Variants in FBH1 observed in about 807,000 individuals in gnomAD.
FBH1 encodes F-box DNA helicase 1.
In FBH1, 43 loss-of-function variants were observed where a neutral mutation model predicts 115.5. That is an observed-to-expected ratio of 0.37 (90% CI 0.29 to 0.48). The LOEUF (loss-of-function observed/expected upper bound fraction) is 0.48, where lower values mean the gene tolerates loss of function less well. Among genes scored for constraint, FBH1 ranks in the 20% least tolerant of loss-of-function variants. The pLI is 0.99. For missense variants in FBH1, 1,001 were observed against 1,337.3 expected (o/e 0.75, Z 3.92); for synonymous variants, 524 against 507.8 (o/e 1.03, Z -0.43).
chr10:5,906,402 G>C lies in FBH1; in HGVS notation c.523G>C (p.Ala175Pro). ...EAEDSTSRLS[A>P]ESGETDQDAG... ...AGAGGACAGTACGTCTCGGCTCTCT[G>C]CGGAGTCTGGTGAAACCGACCAAGA... Residue 175 changes from alanine (A) to proline (P), a missense_variant, in exon 3 of 21, where the codon GCG (alanine) becomes CCG (proline). Ala to Pro is a conservative substitution (Grantham distance 27). Transcript: ENST00000362091. The surrounding 1 kb of genome is among the most constrained non-coding windows in gnomAD (Gnocchi z 7.3). 1.2e-6 allele frequency: 2 copies of C among 1,614,144 alleles called. No individual in the cohort carries two copies. Among genetic ancestry groups the C allele is most frequent in the Non-Finnish European group, 8.5e-7 (1 of 1,179,952 alleles).
At chr10:5,901,122 A>G (rs1843321402) in intron 1 of FBH1, among the ~76,000 whole-genome samples, 1 of 151,388 alleles carries the variant, frequency 6.6e-6, no homozygotes, top group Non-Finnish European at 1.5e-5. Context: ...AAAAAAAAAG[A>G]AATGTTGAGT....
intron 1 of FBH1, among the ~76,000 whole-genome samples, chr10:5,901,518 C>T (rs1843345377): frequency 6.7e-6 from 1 of 150,076 alleles, no homozygotes; most frequent in Non-Finnish European, 1.5e-5. Flanking sequence ...ATTTTATTCT[C>T]TTTTGACCAT....
chr10:5,890,498 TG>T (rs1842640823), intron 1 of FBH1, 152 bp downstream of exon 1: 2 of 277,388 alleles, frequency 7.2e-6, no homozygotes, highest in Non-Finnish European at 7.1e-6. Context: ...AGCGCGGGCG[TG>T]GGGGCTCGGC....
chr10:5,908,221 T>A (rs1843843951), intron 3 of FBH1, among the ~76,000 whole-genome samples: 1 of 152,240 alleles, frequency 6.6e-6, no homozygotes, highest in Non-Finnish European at 1.5e-5. Flanking sequence ...TTTATAGTTA[T>A]TATATCTTCT....
In FBH1 at chr10:5,935,594, C is replaced by G. The variant is rs1206557145; in HGVS notation, c.2830-862C>G. ...AGCTGTTAGTACTTGTTGGCCATAA[C>G]TGGAGTGTTTGCCTGGTGGTTTTCT... On this transcript the variant is annotated intron_variant, in intron 19 of 20. Transcript: ENST00000362091. The surrounding 1 kb of genome is among the most constrained non-coding windows in gnomAD (Gnocchi z 5.2). 6.6e-6 allele frequency: 1 copy of G among 152,232 alleles called. No individual in the cohort carries two copies. The highest frequency in any genetic ancestry group is 1.9e-4 in the East Asian group (1 of 5,192). The allele number at this position is 152,232 out of a possible 1,614,324, so 9.4% of individuals were successfully genotyped here. A position where few individuals can be genotyped will look rare whatever the true frequency, so the allele number is the denominator to read the frequency against.
chr10:5,890,231 C>G (rs563398903), upstream of FBH1: 3 of 356,908 alleles, frequency 8.4e-6, no homozygotes, highest in Non-Finnish European at 5.3e-6. Context: ...CGGCGGGCGT[C>G]TCGGGCTCCA....
At position 5,923,592 on chromosome 10, in the gene FBH1, AC is replaced by A; in HGVS notation, c.2323-28del. ...AAACAAAACAAAAAACAACAAAAAAACAAAAATCCCACCAAAAAACTTTTTC... is the reference window on the plus strand; with the variant it reads ...AAACAAAACAAAAAACAACAAAAAAAAAAAATCCCACCAAAAAACTTTTTC... On this transcript the variant is annotated intron_variant, in intron 15 of 20. Transcript: ENST00000362091. The surrounding 1 kb of genome is among the most constrained non-coding windows in gnomAD (Gnocchi z 5.7). The A allele has an allele frequency of 6.3e-7, 1 of 1,588,754 alleles. No individual in the cohort carries two copies. The highest frequency in any genetic ancestry group is 8.6e-7 in the Non-Finnish European group (1 of 1,163,988).
Position 5,923,594 on chromosome 10 carries a change from A to C in FBH1, c.2323-27A>C, listed in dbSNP as rs1473121658. The C allele has an allele frequency of 6.3e-7, 1 of 1,594,596 alleles. No individual in the cohort carries two copies. The highest frequency in any genetic ancestry group is 1.4e-5 in the African/African-American group (1 of 73,956). On this transcript the variant is annotated intron_variant, in intron 15 of 20. Coordinates refer to ENST00000362091, the MANE Select transcript of FBH1 (RefSeq NM_178150.3). The surrounding 1 kb of genome is among the most constrained non-coding windows in gnomAD (Gnocchi z 5.7). ...ACAAAACAAAAAACAACAAAAAAAC[A>C]AAAATCCCACCAAAAAACTTTTTCA... is the stretch of plus-strand genomic sequence containing the variant.
intron 19 of FBH1, among the ~76,000 whole-genome samples, chr10:5,934,073 C>T (rs909051217): frequency 6.6e-6 from 1 of 152,130 alleles, no homozygotes; most frequent in Non-Finnish European, 1.5e-5. Flanking sequence ...CCGAGTTGGG[C>T]AGTAATTCAG....
chr10:5,916,432 C>A lies in FBH1; in HGVS notation c.1764C>A (p.Val588=). The A allele has an allele frequency of 1.2e-6, 2 of 1,609,562 alleles. No homozygotes were observed. Among genetic ancestry groups the A allele is most frequent in the South Asian group, 2.2e-5 (2 of 90,972 alleles). Reference sequence around the variant, plus strand: ...GTAAGAACAGCCAAGGACAGAGAGTCATGGTTGAGCAGAGTGAAAAACTGG... The same window carrying A: ...GTAAGAACAGCCAAGGACAGAGAGTAATGGTTGAGCAGAGTGAAAAACTGG... ...IWCKNSQGQR[V]MVEQSEKLNG... Residue 588 remains valine, a synonymous_variant, in exon 10 of 21, where the codon GTC becomes GTA. Transcript: ENST00000362091.
chr10:5,890,579 C>A (rs930179727), intron 1 of FBH1, among the ~76,000 whole-genome samples: 10 of 151,274 alleles, frequency 6.6e-5, no homozygotes, highest in Non-Finnish European at 1.3e-4. Context: ...TCACTGAACT[C>A]GGTCGGGAGC....
At position 5,924,107 on chromosome 10, in the gene FBH1, C is replaced by T; in HGVS notation, c.2399-204C>T. On this transcript the variant is annotated intron_variant, in intron 16 of 20. Transcript: ENST00000362091. The surrounding 1 kb of genome is among the most constrained non-coding windows in gnomAD (Gnocchi z 6.2). ...GGATCTTGAGCCGAGGGCTTTGCTC[C>T]TCAGTCGGAGACGGAGAGGCTACTG... 1 of 598,834 alleles carries T rather than the reference C, an allele frequency of 1.7e-6. No homozygotes were observed. The highest frequency in any genetic ancestry group is 3.0e-6 in the Non-Finnish European group (1 of 338,320). The allele number at this position is 598,834 out of a possible 1,614,324, so 37.1% of individuals were successfully genotyped here. A position where few individuals can be genotyped will look rare whatever the true frequency, so the allele number is the denominator to read the frequency against.
Position 5,900,701 on chromosome 10 carries a change from G to C in FBH1, c.2-2319G>C, listed in dbSNP as rs549752877. 1.1e-3 allele frequency among the ~76,000 whole-genome samples: 171 copies of C among 152,266 alleles called. 1 individual carries two copies. Among genetic ancestry groups the C allele is most frequent in the Admixed American group, 0.011 (168 of 15,288 alleles). On this transcript the variant is annotated intron_variant, in intron 1 of 20. Transcript: ENST00000362091. The surrounding 1 kb of genome is among the most constrained non-coding windows in gnomAD (Gnocchi z 4.2). ...CCTTGAAAAAGTTAACTGAAATTTG[G>C]AAGGGTGATTTCTGAATTAGCTAGG...
chr10:5,905,508 A>T (rs1468811205), intron 2 of FBH1, among the ~76,000 whole-genome samples: 3 of 152,248 alleles, frequency 2.0e-5, no homozygotes, highest in African/African-American at 7.2e-5. Flanking sequence ...ACAGAGTGGG[A>T]TTCCATCTAA....
Position 5,924,192 on chromosome 10 carries a change from C to A in FBH1, c.2399-119C>A, listed in dbSNP as rs957975271. ...TTAGTGATGCAGTCAGGCCTGGAAC[C>A]CGGGTCTCCCCACTTTAAGACCATC... On this transcript the variant is annotated intron_variant, in intron 16 of 20. Transcript: ENST00000362091. The surrounding 1 kb of genome is among the most constrained non-coding windows in gnomAD (Gnocchi z 6.2). 25 of 933,778 alleles carry A rather than the reference C, an allele frequency of 2.7e-5. No homozygotes were observed. The East Asian group carries it at 6.5e-4, about 24-fold the overall frequency. 57.8% of individuals were successfully genotyped at this position (933,778 alleles called of 1,614,324 possible).
Position 5,915,329 on chromosome 10 carries a change from A to C in FBH1, c.1397-74A>C. 5.6e-5 allele frequency: 82 copies of C among 1,470,734 alleles called. No homozygotes were observed. Among genetic ancestry groups the C allele is most frequent in the Non-Finnish European group, 7.3e-5 (78 of 1,065,838 alleles). The allele number at this position is 1,470,734 out of a possible 1,614,324, so 91.1% of individuals were successfully genotyped here. A position where few individuals can be genotyped will look rare whatever the true frequency, so the allele number is the denominator to read the frequency against. ...AGACAGAGGTGTGATAAGCCTGGAC[A>C]AGGCCTGATTGGGGATCCCTGGGCA... On this transcript the variant is annotated intron_variant, in intron 8 of 20. Transcript: ENST00000362091. The surrounding 1 kb of genome is among the most constrained non-coding windows in gnomAD (Gnocchi z 5.2).
At position 5,936,343 on chromosome 10, in the gene FBH1, C is replaced by G. The variant is rs1371967610; in HGVS notation, c.2830-113C>G. On this transcript the variant is annotated intron_variant, in intron 19 of 20. Coordinates refer to ENST00000362091, the MANE Select transcript of FBH1 (RefSeq NM_178150.3). This position sits in a 1 kb window ranked among gnomAD's most constrained non-coding sequence, Gnocchi z 5.6. ...AACGGGTTAGGCGGGGTTTTTCTCT[C>G]TGGGACTTACAGTGCATCTAAAGGG... 1 of 1,278,652 alleles carries G rather than the reference C, an allele frequency of 7.8e-7. No individual in the cohort carries two copies. The highest frequency in any genetic ancestry group is 1.1e-6 in the Non-Finnish European group (1 of 919,860). 79.2% of individuals were successfully genotyped at this position (1,278,652 alleles called of 1,614,324 possible).
chr10:5,924,012 G>A lies in FBH1; in HGVS notation c.2399-299G>A, dbSNP rs573497041. 21 of 559,976 alleles carry A rather than the reference G, an allele frequency of 3.8e-5. No homozygotes were observed. Among genetic ancestry groups the A allele is most frequent in the African/African-American group, 5.6e-5 (3 of 53,264 alleles). 34.7% of individuals were successfully genotyped at this position (559,976 alleles called of 1,614,324 possible). ...TTCCACGTGGGCCCCAAGTGATAGC[G>A]TCGAGCATTTCTATAGCGCTTTTCT... On this transcript the variant is annotated intron_variant, in intron 16 of 20. Transcript: ENST00000362091. The surrounding 1 kb of genome is among the most constrained non-coding windows in gnomAD (Gnocchi z 6.2).
rs372083295 is a variant in FBH1 at position 5,924,537 on chromosome 10, C to T, written c.2596+29C>T. The T allele has an allele frequency of 5.4e-5, 86 of 1,605,688 alleles. No individual in the cohort carries two copies. The African/African-American group carries it at 1.1e-3, about 21-fold the overall frequency. ...AGGGAAGCAGTTGGTTTTTACCTTC[C>T]CCCTAAGAGGAGGAACAGATGGTCT... On this transcript the variant is annotated intron_variant, in intron 17 of 20. Coordinates refer to ENST00000362091, the MANE Select transcript of FBH1 (RefSeq NM_178150.3). The surrounding 1 kb of genome is among the most constrained non-coding windows in gnomAD (Gnocchi z 6.2).
Sources: gnomAD v4.1 joint callset for allele counts (sites outside exome capture counted in the v4.1 genomes callset) on GRCh38, gnomAD v4.1.1 for gene constraint, Gnocchi (gnomAD v3.1) non-coding constraint, MANE v1.5 for transcripts, NCBI Gene and HGNC (gene_info 2026-07-23, HGNC 2026-07-21) for gene names.